Variants in SYTL2 observed in about 807,000 individuals in gnomAD.
SYTL2 encodes synaptotagmin like 2.
SYTL2 carries 165 observed loss-of-function variants against 198.7 expected under a neutral mutation model. That is an observed-to-expected ratio of 0.83 (90% confidence interval 0.73 to 0.94). SYTL2 has a LOEUF of 0.94. Ranked by LOEUF, SYTL2 falls within the 40% of genes least tolerant of loss-of-function variation. SYTL2 has a pLI of 0.00. For synonymous variants in SYTL2, 966 were observed against 917.7 expected, an observed-to-expected ratio of 1.05 and a Z score of -0.95; for missense variants, 2,835 against 2,582.8, an observed-to-expected ratio of 1.10 and a Z score of -2.12.
At chr11:85,817,131 G>C in the SYTL2 span, among the ~76,000 whole-genome samples, 2 of 152,138 alleles carry the variant, frequency 1.3e-5, no homozygotes, top group Non-Finnish European at 2.9e-5. Flanking sequence ...GAATGGGGTT[G>C]AGCACTTGTG....
At chr11:85,830,220 C>A in the SYTL2 span, among the ~76,000 whole-genome samples, 1 of 152,100 alleles carries the variant, frequency 6.6e-6, no homozygotes, top group Non-Finnish European at 1.5e-5. Context: ...TCATTTCATT[C>A]CTAACTAATT....
chr11:85,711,043 G>A, intron 13 of SYTL2, 70 bp downstream of exon 13: 1 of 1,536,812 alleles, frequency 6.5e-7, no homozygotes. Context: ...GTTTTACAAT[G>A]AGCATGAGCA....
At chr11:85,782,584 C>T (rs796469320) in intron 1 of SYTL2, among the ~76,000 whole-genome samples, 1 of 152,192 alleles carries the variant, frequency 6.6e-6, no homozygotes, top group Non-Finnish European at 1.5e-5. Flanking sequence ...AACTTTTATG[C>T]TCTGCTTCTT....
At chr11:85,722,613 G>T (rs2088519201) in intron 8 of SYTL2, among the ~76,000 whole-genome samples, 1 of 151,984 alleles carries the variant, frequency 6.6e-6, no homozygotes, top group Non-Finnish European at 1.5e-5. Context: ...GTTTACACTA[G>T]CAACTCATGG....
At chr11:85,762,611 T>C (rs2092128863) in intron 1 of SYTL2, among the ~76,000 whole-genome samples, 1 of 152,236 alleles carries the variant, frequency 6.6e-6, no homozygotes, top group Non-Finnish European at 1.5e-5. Flanking sequence ...GCTCCAGCCA[T>C]TCTGAAATTT....
At chr11:85,817,968 A>G in the SYTL2 span, among the ~76,000 whole-genome samples, 1,434 of 132,120 alleles carry the variant, frequency 0.011, 13 homozygotes, top group African/African-American at 0.038. Context: ...CAGTGGTGTG[A>G]TCTTGGCTCA....
In SYTL2 at chr11:85,709,269, A is replaced by G. The variant is rs2085816073; in HGVS notation, c.5915+62T>C. 30 of 1,538,254 alleles carry G rather than the reference A, an allele frequency of 2.0e-5. 2 individuals are homozygous for G. Among genetic ancestry groups the G allele is most frequent in the Middle Eastern group, 3.4e-4 (2 of 5,900 alleles). ...CTCTTGATTACTTTATTTCCTTCCAATTCCTGTAAGATTGACAGTTGGAGA... is the reference window on the plus strand; with the variant it reads ...CTCTTGATTACTTTATTTCCTTCCAGTTCCTGTAAGATTGACAGTTGGAGA... On this transcript the variant is annotated intron_variant, in intron 14 of 19. Transcript: ENST00000359152.
intron 1 of SYTL2, among the ~76,000 whole-genome samples, chr11:85,767,645 A>G (rs2092269855): frequency 6.6e-6 from 1 of 152,146 alleles, no homozygotes; most frequent in Admixed American, 6.5e-5. Flanking sequence ...ACTCTCCCCA[A>G]ATGTACCAAC....
chr11:85,852,714 C>T, the SYTL2 span: 1,957 of 231,822 alleles, frequency 8.4e-3, 100 homozygotes, highest in East Asian at 0.15. Context: ...GGCATGATCA[C>T]GGCTAGCTAT....
the SYTL2 span, among the ~76,000 whole-genome samples, chr11:85,824,707 T>C: frequency 4.6e-5 from 7 of 152,192 alleles, no homozygotes; most frequent in Admixed American, 2.6e-4. Context: ...AGGGAGCCAA[T>C]AGAAAGTAAG....
intron 2 of SYTL2, among the ~76,000 whole-genome samples, chr11:85,753,014 T>C (rs960911617): frequency 7.0e-6 from 1 of 142,346 alleles, no homozygotes; most frequent in Non-Finnish European, 1.5e-5. Flanking sequence ...AGATCGTATC[T>C]ACTGCAAAAA....
intron 13 of SYTL2, among the ~76,000 whole-genome samples, chr11:85,710,427 GCA>G (rs1184741813): frequency 1.3e-5 from 2 of 152,130 alleles, no homozygotes; most frequent in Non-Finnish European, 2.9e-5. Context: ...AAGAATTTAA[GCA>G]CAGTTTTATC....
intron 9 of SYTL2, 53 bp downstream of exon 9, chr11:85,720,805 G>GGCAT (rs564688656): frequency 1.9e-4 from 241 of 1,251,978 alleles, no homozygotes; most frequent in Non-Finnish European, 2.7e-4. Context: ...AGAGCACATA[G>GGCAT]GCATTTTTAA....
At chr11:85,751,547 A>T (rs1317505258) in intron 2 of SYTL2, among the ~76,000 whole-genome samples, 2 of 152,252 alleles carry the variant, frequency 1.3e-5, no homozygotes, top group East Asian at 3.8e-4. Flanking sequence ...AGAGTTAAGT[A>T]GAGAGAAGAC....
intron 17 of SYTL2, among the ~76,000 whole-genome samples, 194 bp from the exon 18 acceptor site, chr11:85,698,272 T>C (rs1430625714): frequency 6.6e-6 from 1 of 152,208 alleles, no homozygotes; most frequent in Non-Finnish European, 1.5e-5. Flanking sequence ...GATAGCTCTA[T>C]AAAAATAATT....
chr11:85,747,469 G>C (rs936677337), intron 3 of SYTL2, among the ~76,000 whole-genome samples: 1 of 152,088 alleles, frequency 6.6e-6, no homozygotes, highest in African/African-American at 2.4e-5. Context: ...TCAGTAGATG[G>C]GTGGATAAGT....
At chr11:85,765,697 G>C (rs1472692074) in intron 1 of SYTL2, among the ~76,000 whole-genome samples, 1 of 152,138 alleles carries the variant, frequency 6.6e-6, no homozygotes, top group Non-Finnish European at 1.5e-5. Flanking sequence ...GTATCTTCTG[G>C]AAACTGGCTT....
chr11:85,696,728 TAACA>T (rs2083461180), intron 18 of SYTL2, among the ~76,000 whole-genome samples: 1 of 152,190 alleles, frequency 6.6e-6, no homozygotes, highest in Non-Finnish European at 1.5e-5. Flanking sequence ...TAGAATTAAA[TAACA>T]TATGCAAAAC....
intron 1 of SYTL2, among the ~76,000 whole-genome samples, chr11:85,766,744 T>C (rs1281493399): frequency 1.3e-5 from 2 of 152,182 alleles, no homozygotes; most frequent in Non-Finnish European, 2.9e-5. Flanking sequence ...GGGCAGATAC[T>C]GAACAAGCCC....
Sources: gnomAD v4.1 joint callset for allele counts (sites outside exome capture counted in the v4.1 genomes callset) on GRCh38, gnomAD v4.1.1 for gene constraint, MANE v1.5 for transcripts, NCBI Gene and HGNC (gene_info 2026-07-23, HGNC 2026-07-21) for gene names.